SH3YL1: variants seen among roughly 807,000 people sequenced by gnomAD.
SH3YL1 encodes SH3 domain-containing YSC84-like protein 1.
SH3YL1 carries 41 observed loss-of-function variants against 45.8 expected under a neutral mutation model. The observed-to-expected ratio is 0.89, with a 90% CI of 0.70 to 1.16. The LOEUF is 1.16. Among genes scored for constraint, SH3YL1 ranks in the 50% most tolerant of loss-of-function variants. The probability of loss-of-function intolerance (pLI) is 0.00; values close to 1 mark genes in which losing one functional copy is unlikely to be tolerated. For missense variants in SH3YL1, 389 were observed against 409.6 expected (o/e 0.95, Z 0.43); for synonymous variants, 152 against 151.4 (o/e 1.00, Z -0.03).
At chr2:239,185 T>A (rs1319612186) in intron 4 of SH3YL1, among the ~76,000 whole-genome samples, 1 of 152,188 alleles carries the variant, frequency 6.6e-6, no homozygotes, top group Non-Finnish European at 1.5e-5. Context: ...AACAGGCCAT[T>A]AATGAACACA....
At chr2:263,043 C>T (rs762711374) in intron 1 of SH3YL1, among the ~76,000 whole-genome samples, 1 of 152,118 alleles carries the variant, frequency 6.6e-6, no homozygotes, top group African/African-American at 2.4e-5. Context: ...AACAGGCCAG[C>T]CCACGGGAGT....
intron 4 of SH3YL1, among the ~76,000 whole-genome samples, chr2:238,302 T>TGG (rs1194806677): frequency 7.3e-6 from 1 of 137,834 alleles, no homozygotes; most frequent in Non-Finnish European, 1.6e-5. Flanking sequence ...TGTGTGTGTG[T>TGG]GGCATGGCCA....
chr2:231,595 C>T (rs2103026167), intron 6 of SH3YL1, among the ~76,000 whole-genome samples: 1 of 152,144 alleles, frequency 6.6e-6, no homozygotes, highest in African/African-American at 2.4e-5. Flanking sequence ...ATAACTGTGG[C>T]TTTGTAATTT....
chr2:235,749 T>C (rs1414782266), intron 4 of SH3YL1, among the ~76,000 whole-genome samples: 1 of 19,562 alleles, frequency 5.1e-5, no homozygotes, highest in African/African-American at 1.7e-4. Flanking sequence ...GGCAGCAGCA[T>C]GGGTCAGGGG....
intron 9 of SH3YL1, among the ~76,000 whole-genome samples, chr2:220,517 T>C (rs903145809): frequency 1.3e-5 from 2 of 152,216 alleles, no homozygotes; most frequent in African/African-American, 2.4e-5. Context: ...AATTTTGACA[T>C]AGTCTAGAAA....
intron 6 of SH3YL1, among the ~76,000 whole-genome samples, chr2:232,006 T>A (rs1668068645): frequency 6.6e-6 from 1 of 151,706 alleles, no homozygotes; most frequent in Non-Finnish European, 1.5e-5. Context: ...GCGTGGCGAA[T>A]TTGAATGGCC....
rs72772888 is a variant in SH3YL1, at chr2:229,934, A to G, written c.781+32T>C. ...TAACATTTAATAATTACTTAATTACAACTGTATTTGAATTGCAACAAAAAT... is the reference window on the plus strand; with the variant it reads ...TAACATTTAATAATTACTTAATTACGACTGTATTTGAATTGCAACAAAAAT... On this transcript the variant is annotated intron_variant, in intron 8 of 9. Transcript: ENST00000356150. The G allele has an allele frequency of 8.6e-5, 131 of 1,520,356 alleles. 1 individual carries two copies. The highest frequency in any genetic ancestry group is 7.8e-5 in the Non-Finnish European group (86 of 1,097,236). The allele number at this position is 1,520,356 out of a possible 1,614,324, so 94.2% of individuals were successfully genotyped here.
chr2:235,215 A>AGATTCAAC (rs1347615462), intron 4 of SH3YL1, among the ~76,000 whole-genome samples: 3 of 152,260 alleles, frequency 2.0e-5, no homozygotes, highest in Non-Finnish European at 4.4e-5. Flanking sequence ...AACTACAATG[A>AGATTCAAC]GATTCAACTG....
At position 230,207 on chromosome 2, in the gene SH3YL1, T is replaced by C. The variant is rs556586631; in HGVS notation, c.703-163A>G. Among the ~76,000 whole-genome samples the C allele has an allele frequency of 3.3e-5, 5 of 152,298 alleles. No individual in the cohort carries two copies. In the East Asian group the frequency reaches 9.6e-4, roughly 29 times the overall value. ...ATGCACCCCTCTGGACTCTATGTAA[T>C]TGAACTGGATGACAAGACTCAGATG... On this transcript the variant is annotated intron_variant, in intron 7 of 9. Coordinates refer to ENST00000356150, the MANE Select transcript of SH3YL1 (RefSeq NM_015677.4).
intron 5 of SH3YL1, 57 bp downstream of exon 5, chr2:234,103 A>T: frequency 7.9e-7 from 1 of 1,268,724 alleles, no homozygotes; most frequent in South Asian, 1.3e-5. Context: ...TATTAATGCA[A>T]AATAAAATAT....
intron 1 of SH3YL1, among the ~76,000 whole-genome samples, chr2:258,419 G>T (rs1292331610): frequency 6.6e-6 from 1 of 152,112 alleles, no homozygotes; most frequent in South Asian, 2.1e-4. Flanking sequence ...TGTAAAATAG[G>T]TGTTTTAAAT....
At chr2:252,044 AT>A (rs981730527) in intron 2 of SH3YL1, among the ~76,000 whole-genome samples, 15 of 152,114 alleles carry the variant, frequency 9.9e-5, no homozygotes, top group African/African-American at 3.6e-4. Context: ...TGATGAACAG[AT>A]AGTGGTTTTC....
intron 9 of SH3YL1, chr2:222,863 C>T (rs534616276): frequency 5.3e-5 from 8 of 152,330 alleles, no homozygotes; most frequent in East Asian, 1.9e-4. Context: ...ATTTAAGGCT[C>T]GGGCCCTGGG....
At chr2:222,372 C>T (rs953185674) in intron 9 of SH3YL1, 1 of 152,338 alleles carries the variant, frequency 6.6e-6, no homozygotes. Flanking sequence ...GCAGCCAGCA[C>T]CCCTGGCCTG....
At chr2:236,021 C>T (rs1361366024) in intron 4 of SH3YL1, among the ~76,000 whole-genome samples, 4 of 41,646 alleles carry the variant, frequency 9.6e-5, no homozygotes, top group African/African-American at 4.2e-4. Context: ...GCAGCATGGG[C>T]CAGGGGAGGC....
At chr2:219,142 A>G (rs754935562) in intron 9 of SH3YL1, 141 bp from the exon 10 acceptor site, 1 of 564,234 alleles carries the variant, frequency 1.8e-6, no homozygotes, top group Middle Eastern at 3.6e-4. Flanking sequence ...AGTCTGTGTA[A>G]TTTTCATCAC....
intron 8 of SH3YL1, among the ~76,000 whole-genome samples, chr2:228,746 G>A (rs969499016): frequency 1.3e-5 from 2 of 152,190 alleles, no homozygotes; most frequent in Non-Finnish European, 2.9e-5. Flanking sequence ...AGGCAGGTTG[G>A]TAATGAGGAA....
chr2:253,812 G>A (rs1328244771), intron 1 of SH3YL1, among the ~76,000 whole-genome samples: 1 of 152,078 alleles, frequency 6.6e-6, no homozygotes, highest in Non-Finnish European at 1.5e-5. Flanking sequence ...GTCTGGATCG[G>A]GACCCCTTTT....
At chr2:256,959 T>G (rs553025887) in intron 1 of SH3YL1, among the ~76,000 whole-genome samples, 19 of 152,336 alleles carry the variant, frequency 1.2e-4, no homozygotes, top group African/African-American at 4.1e-4. Context: ...GATTTAATTT[T>G]CGTTTCTCAG....
Sources: allele counts gnomAD v4.1 joint callset (sites outside exome capture counted in the v4.1 genomes callset), GRCh38; gene constraint gnomAD v4.1.1; transcripts MANE v1.5; gene names NCBI Gene and HGNC (gene_info 2026-07-23, HGNC 2026-07-21).